The following SH2B2 variants were observed in gnomAD, a reference collection of about 807,000 sequenced individuals.
SH2B2 encodes SH2B adaptor protein 2.
SH2B2 carries 37 observed loss-of-function variants against 35.7 expected under a neutral mutation model. The observed-to-expected ratio is 1.04, with a 90% CI of 0.80 to 1.36. The LOEUF is 1.36. Among genes scored for constraint, SH2B2 ranks in the 40% most tolerant of loss-of-function variants. The pLI is 0.00. For synonymous variants in SH2B2, 383 were observed against 376.4 expected, an observed-to-expected ratio of 1.02 and a Z score of -0.20; for missense variants, 852 against 817.7, an observed-to-expected ratio of 1.04 and a Z score of -0.51.
chr7:102,314,443 G>A lies in SH2B2; in HGVS notation c.1015+16G>A. On this transcript the variant is annotated intron_variant, in intron 5 of 8. Transcript: ENST00000444095. ...CTGACTGATGGTAGGTAGGGGGACAGGGTTGAAGGAGGGGCACACTCAGGG... is the reference window on the plus strand; with the variant it reads ...CTGACTGATGGTAGGTAGGGGGACAAGGTTGAAGGAGGGGCACACTCAGGG... 1 of 398,820 alleles carries A rather than the reference G, an allele frequency of 2.5e-6. No homozygotes were observed. Among genetic ancestry groups the A allele is most frequent in the Non-Finnish European group, 4.4e-6 (1 of 226,218 alleles). The allele number at this position is 398,820 out of a possible 1,614,324, so 24.7% of individuals were successfully genotyped here.
At position 102,296,320 on chromosome 7, in the gene SH2B2, C is replaced by T. The variant is rs186912232; in HGVS notation, c.-29-4202C>T. ...CAGAGGAGAGATGAGATGGTGATCC[C>T]AGGAGCTGCGAGGGAGGGGCATTCC... is the stretch of plus-strand genomic sequence containing the variant. On this transcript the variant is annotated intron_variant, in intron 1 of 8. Transcript: ENST00000444095. Among the ~76,000 whole-genome samples the T allele has an allele frequency of 2.0e-5, 3 of 152,302 alleles. No individual in the cohort carries two copies. The East Asian group carries it at 5.8e-4, about 29-fold the overall frequency.
At chr7:102,313,827 G>A (rs1028215434) in intron 4 of SH2B2, among the ~76,000 whole-genome samples, 4 of 151,442 alleles carry the variant, frequency 2.6e-5, no homozygotes, top group East Asian at 2.0e-4. Flanking sequence ...CAGGAGAATC[G>A]CTTGAACCCA....
rs1441223337 is a variant in SH2B2, at chr7:102,297,507, AG to A, written c.-29-3012del. On this transcript the variant is annotated intron_variant, in intron 1 of 8. Transcript: ENST00000444095. This position sits in a 1 kb window ranked among gnomAD's most constrained non-coding sequence, Gnocchi z 4.3. ...TTGGGACATATACCCCTTGAACGAGAGGGAACTACCATATTTGATCCACACT... is the reference window on the plus strand; with the variant it reads ...TTGGGACATATACCCCTTGAACGAGAGGAACTACCATATTTGATCCACACT... Among the ~76,000 whole-genome samples, 2 of 152,064 alleles carry A rather than the reference AG, an allele frequency of 1.3e-5. No homozygotes were observed. Among genetic ancestry groups the A allele is most frequent in the African/African-American group, 4.8e-5 (2 of 41,394 alleles).
chr7:102,304,980 A>G (rs1554554575), intron 2 of SH2B2, among the ~76,000 whole-genome samples: 3 of 152,210 alleles, frequency 2.0e-5, no homozygotes, highest in Non-Finnish European at 4.4e-5. Flanking sequence ...GCCAGCCCCA[A>G]GGGGGCCTCA....
Position 102,301,241 on chromosome 7 carries a change from G to A in SH2B2, c.691G>A (p.Glu231Lys), listed in dbSNP as rs781790470. 7 of 1,604,234 alleles carry A rather than the reference G, an allele frequency of 4.4e-6. No individual in the cohort carries two copies. The highest frequency in any genetic ancestry group is 3.4e-5 in the Admixed American group (2 of 59,186). Residue 231 changes from glutamate (E) to lysine (K), a missense_variant, in exon 2 of 9, where the codon GAG (glutamate) becomes AAG (lysine). Physicochemically the swap from Glu to Lys is moderately conservative, Grantham distance 56. Around this residue, in one of 3 missense-constraint regions of SH2B2, gnomAD observed 556 missense variants for 514.5 expected, o/e 1.08. Coordinates refer to ENST00000444095, the MANE Select transcript of SH2B2 (RefSeq NM_001359228.2). ...CRLLLRRAVA[E>K]ERFRLEFFVP... ...CCTGCTCCTGCGCAGGGCTGTGGCC[G>A]AGGAACGCTTCCGCCTGGAGTTCTT...
chr7:102,319,503 G>A (rs1554557796), intron 7 of SH2B2, among the ~76,000 whole-genome samples: 1 of 152,116 alleles, frequency 6.6e-6, no homozygotes, highest in Non-Finnish European at 1.5e-5. Flanking sequence ...GTCTCCCAAA[G>A]TGCTGGGATT....
chr7:102,307,956 A>G (rs1185105503), intron 3 of SH2B2, among the ~76,000 whole-genome samples: 1 of 152,018 alleles, frequency 6.6e-6, no homozygotes, highest in African/African-American at 2.4e-5. Context: ...TTTTTGGTAG[A>G]GACAGCGTTT....
intron 1 of SH2B2, among the ~76,000 whole-genome samples, chr7:102,291,207 C>T (rs891635518): frequency 5.3e-5 from 8 of 152,194 alleles, no homozygotes; most frequent in East Asian, 1.9e-4. Context: ...CTGCAGACGC[C>T]GGTGCCAGCA....
chr7:102,293,010 G>A (rs970585862), intron 1 of SH2B2: 2 of 153,008 alleles, frequency 1.3e-5, no homozygotes, highest in Non-Finnish European at 2.9e-5. Flanking sequence ...GGGAGGAGGT[G>A]GGGGGTGCCA....
intron 4 of SH2B2, among the ~76,000 whole-genome samples, chr7:102,310,022 A>T (rs1340213294): frequency 6.6e-6 from 1 of 152,048 alleles, no homozygotes; most frequent in Non-Finnish European, 1.5e-5. Flanking sequence ...ATAATAATAA[A>T]AATTTGGCCG....
intron 1 of SH2B2, among the ~76,000 whole-genome samples, chr7:102,299,387 C>T (rs888846959): frequency 2.1e-5 from 3 of 146,024 alleles, no homozygotes; most frequent in African/African-American, 5.1e-5. Context: ...TTAGTAGAGA[C>T]GGGGTTTCAT....
At chr7:102,307,156 CCAGCCGG>C (rs1317814968) in intron 3 of SH2B2, among the ~76,000 whole-genome samples, 2 of 152,264 alleles carry the variant, frequency 1.3e-5, no homozygotes, top group African/African-American at 4.8e-5. Context: ...TCGCTGGTGG[CCAGCCGG>C]CAGCAGTTAT....
At chr7:102,293,319 G>A (rs1461431226) in intron 1 of SH2B2, 1 of 150,828 alleles carries the variant, frequency 6.6e-6, no homozygotes, top group Admixed American at 6.7e-5. Context: ...GGTGGCTGGG[G>A]TCTCTTGTCT....
chr7:102,300,447 G>A (rs995794018), intron 1 of SH2B2, 75 bp from the exon 2 acceptor site: 3 of 1,451,358 alleles, frequency 2.1e-6, no homozygotes, highest in Non-Finnish European at 2.7e-6. Context: ...GAGTCCTAGG[G>A]GAGCTGGAAG....
At chr7:102,289,217 C>T (rs1792577515) in intron 1 of SH2B2, among the ~76,000 whole-genome samples, 1 of 152,164 alleles carries the variant, frequency 6.6e-6, no homozygotes, top group Non-Finnish European at 1.5e-5. Flanking sequence ...CCCCATTCTC[C>T]ACATACTTCC....
At chr7:102,313,000 A>G (rs1284984154) in intron 4 of SH2B2, among the ~76,000 whole-genome samples, 15 of 151,966 alleles carry the variant, frequency 9.9e-5, no homozygotes, top group Middle Eastern at 3.4e-3. Flanking sequence ...GTGGTGGTAC[A>G]TGCCTGTAAT....
At chr7:102,304,853 ACAGGGGC>A (rs1242812928) in intron 2 of SH2B2, among the ~76,000 whole-genome samples, 1 of 152,252 alleles carries the variant, frequency 6.6e-6, no homozygotes, top group Non-Finnish European at 1.5e-5. Context: ...CACGCGCTGG[ACAGGGGC>A]CAGTTCTTCC....
At chr7:102,315,956 A>C (rs1366940741) in intron 6 of SH2B2, among the ~76,000 whole-genome samples, 2 of 151,870 alleles carry the variant, frequency 1.3e-5, no homozygotes, top group Non-Finnish European at 2.9e-5. Flanking sequence ...AGACTTCACC[A>C]GTGGGTTGGG....
intron 2 of SH2B2, 85 bp from the exon 3 acceptor site, chr7:102,306,636 C>A: frequency 1.0e-6 from 1 of 957,692 alleles, no homozygotes; most frequent in Non-Finnish European, 1.6e-6. Context: ...ATTTGAGGGC[C>A]ACTCTAACAC....
Sources: gnomAD v4.1 joint callset for allele counts (sites outside exome capture counted in the v4.1 genomes callset) on GRCh38, gnomAD v4.1.1 for gene constraint, gnomAD v4.1.1 regional missense constraint, Gnocchi (gnomAD v3.1) non-coding constraint, MANE v1.5 for transcripts, NCBI Gene and HGNC (gene_info 2026-07-23, HGNC 2026-07-21) for gene names.